Variants in ADAMTS20 observed in about 807,000 individuals in gnomAD.
The protein encoded by ADAMTS20 is A disintegrin and metalloproteinase with thrombospondin motifs 20.
In ADAMTS20, 225 loss-of-function variants were observed where a neutral mutation model predicts 260.1. That is an observed-to-expected ratio of 0.87 (90% CI 0.78 to 0.97). ADAMTS20 has a LOEUF of 0.97. Among genes scored for constraint, ADAMTS20 ranks in the 50% least tolerant of loss-of-function variants. The pLI is 0.00. For synonymous variants in ADAMTS20, 802 were observed against 769.5 expected, an observed-to-expected ratio of 1.04 and a Z score of -0.70; for missense variants, 2,400 against 2,337.7, an observed-to-expected ratio of 1.03 and a Z score of -0.55.
At chr12:43,436,479 C>T (rs1941557138) in intron 18 of ADAMTS20, among the ~76,000 whole-genome samples, 1 of 85,990 alleles carries the variant, frequency 1.2e-5, no homozygotes, top group Non-Finnish European at 2.0e-5. Flanking sequence ...ATGTTTAGCC[C>T]CAAATATTTA....
At chr12:43,390,331 T>A (rs1444703087) in intron 29 of ADAMTS20, among the ~76,000 whole-genome samples, 1 of 152,230 alleles carries the variant, frequency 6.6e-6, no homozygotes, top group Non-Finnish European at 1.5e-5. Flanking sequence ...CTAATCAAAC[T>A]AATCTCCTTA....
chr12:43,426,635 C>T (rs1397586222), intron 27 of ADAMTS20, among the ~76,000 whole-genome samples: 1 of 152,078 alleles, frequency 6.6e-6, no homozygotes, highest in Non-Finnish European at 1.5e-5. Context: ...AGCAAGTGCT[C>T]AATAACTGAC....
At chr12:43,404,055 G>A (rs1272113516) in intron 28 of ADAMTS20, among the ~76,000 whole-genome samples, 1 of 151,980 alleles carries the variant, frequency 6.6e-6, no homozygotes, top group Non-Finnish European at 1.5e-5. Flanking sequence ...GACCAGATTA[G>A]GTAGGGTTCT....
At chr12:43,418,940 T>C (rs1484523402) in intron 28 of ADAMTS20, among the ~76,000 whole-genome samples, 1 of 152,190 alleles carries the variant, frequency 6.6e-6, no homozygotes, top group East Asian at 1.9e-4. Context: ...AGGTATTTTG[T>C]GAGGTATATT....
In ADAMTS20 at chr12:43,460,950, G is replaced by A. The variant is rs1319265670; in HGVS notation, c.1614+1945C>T. The stretch of plus-strand genomic sequence containing the variant: ...GAAGGAAGGAGAGTTGCCTAGATAA[G>A]AGGCACAACTAAATTATATATATAT... On this transcript the variant is annotated intron_variant, in intron 11 of 38. Coordinates refer to ENST00000389420, the MANE Select transcript of ADAMTS20 (RefSeq NM_025003.5). Among the ~76,000 whole-genome samples, 3 of 121,590 alleles carry A rather than the reference G, an allele frequency of 2.5e-5. No homozygotes were observed. In the South Asian group the frequency reaches 9.2e-4, roughly 37 times the overall value. The allele number at this position is 121,590 out of a possible 152,430, so 79.8% of individuals were successfully genotyped here. A position where few individuals can be genotyped will look rare whatever the true frequency, so the allele number is the denominator to read the frequency against.
intron 3 of ADAMTS20, among the ~76,000 whole-genome samples, chr12:43,511,447 A>C (rs1592104075): frequency 6.6e-6 from 1 of 152,084 alleles, no homozygotes. Context: ...GTTGGGCAAT[A>C]TGTTCTGCCT....
chr12:43,548,532 C>G (rs899265516), intron 2 of ADAMTS20, among the ~76,000 whole-genome samples: 2 of 151,928 alleles, frequency 1.3e-5, no homozygotes, highest in Non-Finnish European at 2.9e-5. Context: ...CTACCAGGTT[C>G]TATTATTTGA....
intron 2 of ADAMTS20, among the ~76,000 whole-genome samples, chr12:43,540,818 C>A (rs1284289569): frequency 6.6e-6 from 1 of 152,244 alleles, no homozygotes; most frequent in East Asian, 1.9e-4. Flanking sequence ...GTAGGAGTTT[C>A]TTGATTACTT....
intron 7 of ADAMTS20, among the ~76,000 whole-genome samples, chr12:43,473,844 AG>A (rs1412984778): frequency 3.3e-5 from 1 of 29,988 alleles, no homozygotes; most frequent in Non-Finnish European, 6.7e-5. Flanking sequence ...AGCAGTGTGT[AG>A]AGGGAAATTT....
intron 31 of ADAMTS20, among the ~76,000 whole-genome samples, chr12:43,381,780 C>CAAAAAAAAAAAAAAAA (rs765135656): frequency 2.9e-5 from 1 of 34,520 alleles, no homozygotes; most frequent in Non-Finnish European, 5.1e-5. Context: ...GACTGCATCT[C>CAAAAAAAAAAAAAAAA]AAAAAAAAAA....
chr12:43,445,427 T>C (rs1190158839), intron 15 of ADAMTS20, among the ~76,000 whole-genome samples: 2 of 152,154 alleles, frequency 1.3e-5, no homozygotes, highest in East Asian at 3.8e-4. Context: ...TATCAGAGTA[T>C]AAAATGTACT....
At chr12:43,475,710 C>A (rs979877863) in intron 7 of ADAMTS20, among the ~76,000 whole-genome samples, 15 of 150,030 alleles carry the variant, frequency 1.0e-4, no homozygotes, top group African/African-American at 3.4e-4. Flanking sequence ...ACTATCTGAT[C>A]TTTGACAAAC....
intron 12 of ADAMTS20, among the ~76,000 whole-genome samples, chr12:43,453,460 A>G (rs1171481145): frequency 6.6e-6 from 1 of 152,156 alleles, no homozygotes; most frequent in East Asian, 1.9e-4. Flanking sequence ...TGCGTCTATA[A>G]CACAAGAAGC....
chr12:43,551,365 G>A lies in ADAMTS20; in HGVS notation c.92-95C>T. The stretch of plus-strand genomic sequence containing the variant: ...CCAAACGTCCCCGCTAAAGGTCCCA[G>A]GTCCCAGTACAGCCAGGGGCAAGAC... On this transcript the variant is annotated intron_variant, in intron 1 of 38. Transcript: ENST00000389420. This position sits in a 1 kb window ranked among gnomAD's most constrained non-coding sequence, Gnocchi z 4.6. The A allele has an allele frequency of 6.7e-7, 1 of 1,500,404 alleles. No homozygotes were observed. The highest frequency in any genetic ancestry group is 1.4e-5 in the African/African-American group (1 of 72,232). The allele number at this position is 1,500,404 out of a possible 1,614,324, so 92.9% of individuals were successfully genotyped here.
chr12:43,389,109 T>C (rs2137236098), intron 29 of ADAMTS20, among the ~76,000 whole-genome samples: 1 of 152,294 alleles, frequency 6.6e-6, no homozygotes, highest in East Asian at 1.9e-4. Flanking sequence ...ACATGAAAAA[T>C]ATATTCATTC....
At chr12:43,372,961 G>A (rs1940138695) in intron 36 of ADAMTS20, among the ~76,000 whole-genome samples, 1 of 152,174 alleles carries the variant, frequency 6.6e-6, no homozygotes. Flanking sequence ...ACAGGAGAAG[G>A]TATAAGTTAG....
chr12:43,550,903 A>T lies in ADAMTS20; in HGVS notation c.453+6T>A. On this transcript the variant is annotated splice_donor_region_variant and intron_variant, in intron 2 of 38. Transcript: ENST00000389420. ...AGAAAATGCCAAGGGACCCGAGGAC[A>T]CTCACCAGGCCTCCGCATAAGCTGA... 6.5e-7 allele frequency: 1 copy of T among 1,533,790 alleles called. No individual in the cohort carries two copies. Among genetic ancestry groups the T allele is most frequent in the Non-Finnish European group, 8.8e-7 (1 of 1,138,780 alleles).
At chr12:43,422,781 G>A (rs1941260252) in intron 28 of ADAMTS20, 1 of 151,908 alleles carries the variant, frequency 6.6e-6, no homozygotes, top group African/African-American at 2.4e-5. Context: ...TTACTATTTG[G>A]CAATCTGTGA....
chr12:43,526,416 C>A (rs971883255), intron 3 of ADAMTS20, among the ~76,000 whole-genome samples: 1 of 152,074 alleles, frequency 6.6e-6, no homozygotes. Context: ...CGAGATCGTG[C>A]CACTGCACTC....
Sources: gnomAD v4.1 joint callset for allele counts (sites outside exome capture counted in the v4.1 genomes callset) on GRCh38, gnomAD v4.1.1 for gene constraint, Gnocchi (gnomAD v3.1) non-coding constraint, MANE v1.5 for transcripts, NCBI Gene and HGNC (gene_info 2026-07-23, HGNC 2026-07-21) for gene names.